The following PYCR3 variants were observed in gnomAD, a reference collection of about 807,000 sequenced individuals.
The protein encoded by PYCR3 is pyrroline-5-carboxylate reductase 3.
PYCR3 carries 26 observed loss-of-function variants against 23.4 expected under a neutral mutation model. The observed-to-expected ratio is 1.11, with a 90% CI of 0.81 to 1.54. The LOEUF (loss-of-function observed/expected upper bound fraction) is 1.54. Ranked by LOEUF, PYCR3 falls within the 40% of genes most tolerant of loss-of-function variation. The probability of loss-of-function intolerance (pLI) is 0.00; values close to 1 mark genes in which losing one functional copy is unlikely to be tolerated. For synonymous variants in PYCR3, 194 were observed against 162.6 expected, an observed-to-expected ratio of 1.19 and a Z score of -1.47; for missense variants, 360 against 376.3, an observed-to-expected ratio of 0.96 and a Z score of 0.36.
At position 143,609,463 on chromosome 8, in the gene PYCR3, C is replaced by A; in HGVS notation, c.86G>T (p.Arg29Ile). The A allele has an allele frequency of 6.6e-7, 1 of 1,509,560 alleles. No homozygotes were observed. Among genetic ancestry groups the A allele is most frequent in the Non-Finnish European group, 8.8e-7 (1 of 1,137,088 alleles). The allele number at this position is 1,509,560 out of a possible 1,614,324, so 93.5% of individuals were successfully genotyped here. A position where few individuals can be genotyped will look rare whatever the true frequency, so the allele number is the denominator to read the frequency against. The change falls in exon 1 of 6, where the codon AGA becomes ATA. Residue 29 changes from arginine (R) to isoleucine (I), a missense_variant. Arg to Ile is a moderately conservative substitution (Grantham distance 97). Transcript: ENST00000495276. Reference sequence around the variant, plus strand: ...CTAGCCCCGCGCCGCCCCACCTGCTCTGATGAGGCCCTGCGCGATGGCCCC... The same window carrying A: ...CTAGCCCCGCGCCGCCCCACCTGCTATGATGAGGCCCTGCGCGATGGCCCC... ...MAGAIAQGLI[R>I]AGKVEAQHIL... is the part of the protein sequence containing the mutation.
chr8:143,606,568 T>G lies in PYCR3; in HGVS notation c.448A>C (p.Lys150Gln), dbSNP rs61729430. ...RGRHVGSSET[K>Q]LLQHLLEACG... The stretch of plus-strand genomic sequence containing the variant: ...GCCTCCAGCAGATGCTGCAGGAGCT[T>G]GGTCTCGCTGCTCCCCACGTGGCGG... The change falls in exon 4 of 6, where the codon AAG becomes CAG. Residue 150 changes from lysine to glutamine, a missense_variant. Coordinates refer to ENST00000495276, the MANE Select transcript of PYCR3 (RefSeq NM_023078.6). 113 of 1,612,800 alleles carry G rather than the reference T, an allele frequency of 7.0e-5. No homozygotes were observed. The African/African-American group carries it at 1.2e-3, about 17-fold the overall frequency.
In PYCR3 at chr8:143,605,891, A is replaced by G; in HGVS notation, c.643-9T>C. On this transcript the variant is annotated splice_polypyrimidine_tract_variant and intron_variant, in intron 5 of 5. Coordinates refer to ENST00000495276, the MANE Select transcript of PYCR3 (RefSeq NM_023078.6). ...AGCATCTTGGCCGTCCCCTGAGGAG[A>G]GCGTTAGGGCCTGGTGACGGGGGGA... 1 of 1,598,292 alleles carries G rather than the reference A, an allele frequency of 6.3e-7. No homozygotes were observed. Among genetic ancestry groups the G allele is most frequent in the Admixed American group, 1.7e-5 (1 of 59,618 alleles).
At chr8:143,608,796 AG>A (rs1227802882) in intron 1 of PYCR3, 1 of 456,418 alleles carries the variant, frequency 2.2e-6, no homozygotes, top group Admixed American at 2.3e-5. Context: ...CGGTACTGCC[AG>A]GTTTCACAGG....
In PYCR3 at chr8:143,605,032, C is replaced by A; in HGVS notation, c.*668G>T. 2.2e-6 allele frequency: 1 copy of A among 444,548 alleles called. No homozygotes were observed. The highest frequency in any genetic ancestry group is 1.6e-5 in the South Asian group (1 of 63,118). The allele number at this position is 444,548 out of a possible 1,614,324, so 27.5% of individuals were successfully genotyped here. On this transcript the variant is annotated 3_prime_UTR_variant, in exon 6 of 6. Coordinates refer to ENST00000495276, the MANE Select transcript of PYCR3 (RefSeq NM_023078.6). ...AAGCCACCCCACCTACCACTGCCCA[C>A]CTGGTGCCACCCCAGCACTGCCGCA...
chr8:143,605,638 A>G lies in PYCR3; in HGVS notation c.*62T>C. On this transcript the variant is annotated 3_prime_UTR_variant, in exon 6 of 6. Coordinates refer to ENST00000495276, the MANE Select transcript of PYCR3 (RefSeq NM_023078.6). ...CAGGAGGGAGGGAGCCGCAGTCCTC[A>G]GGGGAAGGGACACAGGGAGAGGCAG... 6.8e-7 allele frequency: 1 copy of G among 1,465,590 alleles called. No homozygotes were observed. The highest frequency in any genetic ancestry group is 1.3e-5 in the South Asian group (1 of 79,744). 90.8% of individuals were successfully genotyped at this position (1,465,590 alleles called of 1,614,324 possible).
intron 4 of PYCR3, 145 bp downstream of exon 4, chr8:143,606,321 CG>C: frequency 9.2e-7 from 1 of 1,085,304 alleles, no homozygotes. Flanking sequence ...AGTGAAGTCC[CG>C]GGGACAAGCA....
Position 143,607,146 on chromosome 8 carries a change from A to G in PYCR3, c.157-14T>C. The stretch of plus-strand genomic sequence containing the variant: ...GCAACCCAGAGCCTGCGCCAGGGAC[A>G]CCAGGACCAAGCCTCAGGGGCCATG... On this transcript the variant is annotated splice_polypyrimidine_tract_variant and intron_variant, in intron 2 of 5. Transcript: ENST00000495276. 6.5e-7 allele frequency: 1 copy of G among 1,540,958 alleles called. No homozygotes were observed. Among genetic ancestry groups the G allele is most frequent in the Non-Finnish European group, 8.8e-7 (1 of 1,140,412 alleles).
At position 143,606,555 on chromosome 8, in the gene PYCR3, T is replaced by C; in HGVS notation, c.461A>G (p.His154Arg). Residue 154 changes from histidine (H) to arginine (R), a missense_variant, in exon 4 of 6, where the codon CAT becomes CGT. By Grantham distance (29) the His-to-Arg change is conservative (BLOSUM62 0). Coordinates refer to ENST00000495276, the MANE Select transcript of PYCR3 (RefSeq NM_023078.6). Reference protein sequence around the residue: ...VGSSETKLLQHLLEACGRCEE... With the variant: ...VGSSETKLLQRLLEACGRCEE... Reference sequence around the variant, plus strand: ...ACACCGCCCACAGGCCTCCAGCAGATGCTGCAGGAGCTTGGTCTCGCTGCT... The same window carrying C: ...ACACCGCCCACAGGCCTCCAGCAGACGCTGCAGGAGCTTGGTCTCGCTGCT... 6.2e-7 allele frequency: 1 copy of C among 1,612,906 alleles called. No individual in the cohort carries two copies. The highest frequency in any genetic ancestry group is 8.5e-7 in the Non-Finnish European group (1 of 1,179,966).
chr8:143,607,084 A>AAG lies in PYCR3; in HGVS notation c.204_205insCT (p.Cys69LeufsTer40). The AAG allele has an allele frequency of 6.2e-7, 1 of 1,610,784 alleles. No individual in the cohort carries two copies. The highest frequency in any genetic ancestry group is 8.5e-7 in the Non-Finnish European group (1 of 1,178,978). On this transcript the variant is annotated frameshift_variant, in exon 3 of 6. Coordinates refer to ENST00000495276, the MANE Select transcript of PYCR3 (RefSeq NM_023078.6). LOFTEE classifies it high-confidence loss of function. ...TTGGTGGCAAAGATGACGAGCAGGCAGCTCTGCAGCACCTCCTGGTTGGAG... is the reference window on the plus strand; with the variant it reads ...TTGGTGGCAAAGATGACGAGCAGGCAAGGCTCTGCAGCACCTCCTGGTTGGAG...
Position 143,604,740 on chromosome 8 carries a change from G to A in PYCR3, c.*960C>T. The A allele has an allele frequency of 2.6e-6, 1 of 383,154 alleles. No homozygotes were observed. Among genetic ancestry groups the A allele is most frequent in the South Asian group, 1.9e-5 (1 of 53,822 alleles). 23.7% of individuals were successfully genotyped at this position (383,154 alleles called of 1,614,324 possible). ...CCCTAGCCTTCAATCCTGGGGGTTTGCTTCTCCCCTGAGTCCTGGCTTTCC... is the reference window on the plus strand; with the variant it reads ...CCCTAGCCTTCAATCCTGGGGGTTTACTTCTCCCCTGAGTCCTGGCTTTCC... On this transcript the variant is annotated 3_prime_UTR_variant, in exon 6 of 6. Transcript: ENST00000495276.
At chr8:143,608,874 T>C (rs1276242003) in intron 1 of PYCR3, 1 of 456,734 alleles carries the variant, frequency 2.2e-6, no homozygotes, top group East Asian at 6.9e-5. Context: ...CCCTGAAGTA[T>C]GGCTGAAGGC....
intron 1 of PYCR3, 105 bp from the exon 2 acceptor site, chr8:143,608,231 C>T: frequency 1.2e-6 from 1 of 847,848 alleles, no homozygotes; most frequent in South Asian, 1.5e-5. Flanking sequence ...CACGCCTGGC[C>T]CATCCTGGGC....
rs887437692 is a variant in PYCR3, at chr8:143,604,666, G to A, written c.*1034C>T. The A allele has an allele frequency of 6.4e-6, 2 of 313,754 alleles. No homozygotes were observed. The highest frequency in any genetic ancestry group is 2.3e-5 in the African/African-American group (1 of 44,186). The allele number at this position is 313,754 out of a possible 1,614,324, so 19.4% of individuals were successfully genotyped here. ...AGGTGAATCTTGTGGGGCAGGGGAC[G>A]GAGCTGAGGCTGTCCGGCCCGGGCC... is the stretch of plus-strand genomic sequence containing the variant. On this transcript the variant is annotated 3_prime_UTR_variant, in exon 6 of 6. Transcript: ENST00000495276.
At position 143,608,242 on chromosome 8, in the gene PYCR3, C is replaced by A. The variant is rs1287143571; in HGVS notation, c.92-116G>T. ...CAGCCACGCCTGGCCCATCCTGGGC[C>A]CCCTCCTGGCCCCAGGAACCCAAAG... On this transcript the variant is annotated intron_variant, in intron 1 of 5. Coordinates refer to ENST00000495276, the MANE Select transcript of PYCR3 (RefSeq NM_023078.6). The A allele has an allele frequency of 1.2e-5, 9 of 735,422 alleles. No individual in the cohort carries two copies. In the East Asian group the frequency reaches 2.4e-4, roughly 19 times the overall value. 45.6% of individuals were successfully genotyped at this position (735,422 alleles called of 1,614,324 possible). A position where few individuals can be genotyped will look rare whatever the true frequency, so the allele number is the denominator to read the frequency against.
intron 1 of PYCR3, 26 bp from the exon 2 acceptor site, chr8:143,608,152 G>A (rs1297589145): frequency 5.7e-6 from 9 of 1,588,702 alleles, no homozygotes; most frequent in South Asian, 1.1e-5. Context: ...AAGGAAGAGG[G>A]GTTGGTGAAG....
chr8:143,605,176 C>A lies in PYCR3; in HGVS notation c.*524G>T, dbSNP rs1587285407. On this transcript the variant is annotated 3_prime_UTR_variant, in exon 6 of 6. Transcript: ENST00000495276. ...CCATGGGGGCCCCATCAGGCCAGGG[C>A]CCCTGGCTTTACTGCAGGGGAGAGG... 2.9e-6 allele frequency: 1 copy of A among 341,152 alleles called. No homozygotes were observed. Among genetic ancestry groups the A allele is most frequent in the South Asian group, 2.2e-5 (1 of 44,784 alleles). The allele number at this position is 341,152 out of a possible 1,614,324, so 21.1% of individuals were successfully genotyped here. A position where few individuals can be genotyped will look rare whatever the true frequency, so the allele number is the denominator to read the frequency against.
intron 1 of PYCR3, chr8:143,608,479 G>C: frequency 2.7e-6 from 1 of 369,372 alleles, no homozygotes; most frequent in East Asian, 6.3e-5. Flanking sequence ...GGGGAATGTG[G>C]TGGGTACAAA....
At chr8:143,609,399 A>G in intron 1 of PYCR3, 59 bp downstream of exon 1, 3 of 1,413,792 alleles carry the variant, frequency 2.1e-6, no homozygotes, top group South Asian at 1.5e-5. Flanking sequence ...TCGCGGCAGG[A>G]CACCTCCCAC....
Position 143,609,442 on chromosome 8 carries a change from C to A in PYCR3, c.91+16G>T. On this transcript the variant is annotated intron_variant, in intron 1 of 5. Transcript: ENST00000495276. ...CTCCCACTCCAGACCGCAGGCCTAG[C>A]CCCGCGCCGCCCCACCTGCTCTGAT... is the stretch of plus-strand genomic sequence containing the variant. The A allele has an allele frequency of 7.4e-6, 11 of 1,493,684 alleles. No homozygotes were observed. The highest frequency in any genetic ancestry group is 8.8e-6 in the Non-Finnish European group (10 of 1,130,312). The allele number at this position is 1,493,684 out of a possible 1,614,324, so 92.5% of individuals were successfully genotyped here.
Sources: allele counts gnomAD v4.1 joint callset, GRCh38; gene constraint gnomAD v4.1.1; transcripts MANE v1.5; gene names NCBI Gene and HGNC (gene_info 2026-07-23, HGNC 2026-07-21).